RNF170: variants seen among roughly 807,000 people sequenced by gnomAD.
RNF170 encodes ring finger protein 170.
A neutral mutation model predicts 32.7 loss-of-function variants in RNF170; 12 were observed. The ratio of observed to expected loss-of-function variants is 0.37; its 90% confidence interval spans 0.24 to 0.60. The LOEUF (loss-of-function observed/expected upper bound fraction) is 0.60, where lower values mean the gene tolerates loss of function less well. Among genes scored for constraint, RNF170 ranks in the 20% least tolerant of loss-of-function variants. The pLI, the probability that RNF170 is intolerant of heterozygous loss-of-function variation, is 0.72. For synonymous variants in RNF170, 91 were observed against 103.6 expected, an observed-to-expected ratio of 0.88 and a Z score of 0.74; for missense variants, 212 against 311.2, an observed-to-expected ratio of 0.68 and a Z score of 2.40.
At chr8:42,884,411 G>A (rs938373508) in intron 2 of RNF170, among the ~76,000 whole-genome samples, 2 of 151,858 alleles carry the variant, frequency 1.3e-5, no homozygotes, top group Middle Eastern at 3.2e-3. Context: ...TATTGCTGCT[G>A]CACAAATTAA....
chr8:42,875,783 G>A (rs1804879430), intron 2 of RNF170, among the ~76,000 whole-genome samples: 1 of 152,166 alleles, frequency 6.6e-6, no homozygotes, highest in Non-Finnish European at 1.5e-5. Flanking sequence ...CACCATGTTG[G>A]CCAGGCTGGT....
chr8:42,885,837 C>T (rs759637852), intron 2 of RNF170, among the ~76,000 whole-genome samples: 15 of 152,114 alleles, frequency 9.9e-5, no homozygotes, highest in Non-Finnish European at 1.8e-4. Flanking sequence ...TAGCTCACTG[C>T]AGACTTGACT....
At chr8:42,851,073 C>G, downstream of RNF170, 1 of 1,532,118 alleles carries the variant, frequency 6.5e-7, no homozygotes, top group Non-Finnish European at 8.8e-7. Context: ...AAATCCAAAT[C>G]AACAGCCTTC....
chr8:42,873,596 G>C (rs768247386), intron 3 of RNF170, among the ~76,000 whole-genome samples: 20 of 152,000 alleles, frequency 1.3e-4, no homozygotes, highest in Non-Finnish European at 2.8e-4. Context: ...TTATTTCTTT[G>C]TAGATATTAA....
chr8:42,854,437 G>A lies in RNF170; in HGVS notation c.*1722C>T, dbSNP rs552968198. 2,028 of 1,287,200 alleles carry A rather than the reference G, an allele frequency of 1.6e-3. 28 individuals carry two copies. The South Asian group carries it at 0.024, about 15-fold the overall frequency. The allele number at this position is 1,287,200 out of a possible 1,614,324, so 79.7% of individuals were successfully genotyped here. A position where few individuals can be genotyped will look rare whatever the true frequency, so the allele number is the denominator to read the frequency against. On this transcript the variant is annotated 3_prime_UTR_variant, in exon 7 of 7. Transcript: ENST00000527424. Reference sequence around the variant, plus strand: ...TTGTATCTATGAAAGGGAAGTTGGTGTCCTGCGTTCCTCACAAAATTATCC... The same window carrying A: ...TTGTATCTATGAAAGGGAAGTTGGTATCCTGCGTTCCTCACAAAATTATCC...
Position 42,896,403 on chromosome 8 carries a change from A to T in RNF170, c.-8+81T>A, listed in dbSNP as rs1410129804. The T allele has an allele frequency of 8.9e-6, 4 of 449,850 alleles. No individual in the cohort carries two copies. In the Admixed American group the frequency reaches 9.5e-5, roughly 11 times the overall value. 27.9% of individuals were successfully genotyped at this position (449,850 alleles called of 1,614,324 possible). The stretch of plus-strand genomic sequence containing the variant: ...CCGCAGAGCCTCGGCGGCCAGAGCT[A>T]CCCCAAGAAGGCCAGACCCCGCCGT... On this transcript the variant is annotated intron_variant, in intron 1 of 6. Transcript: ENST00000527424.
rs1804335610 is a variant in RNF170, at chr8:42,869,140, G to A, written c.322+864C>T. ...GCCCAGGCTGGCCTCCAACTCCTGG[G>A]CTCAAGCAATCCTCCTGCCTTAGCC... On this transcript the variant is annotated intron_variant, in intron 4 of 6. Transcript: ENST00000527424. Among the ~76,000 whole-genome samples the A allele has an allele frequency of 2.0e-5, 3 of 152,044 alleles. No individual in the cohort carries two copies. The South Asian group carries it at 6.2e-4, about 32-fold the overall frequency.
In RNF170 at chr8:42,854,240, C is replaced by T. The variant is rs564224009; in HGVS notation, c.*1919G>A. The T allele has an allele frequency of 1.6e-5, 21 of 1,287,198 alleles. No homozygotes were observed. Among genetic ancestry groups the T allele is most frequent in the African/African-American group, 1.5e-5 (1 of 65,910 alleles). The allele number at this position is 1,287,198 out of a possible 1,614,324, so 79.7% of individuals were successfully genotyped here. A position where few individuals can be genotyped will look rare whatever the true frequency, so the allele number is the denominator to read the frequency against. On this transcript the variant is annotated 3_prime_UTR_variant, in exon 7 of 7. Coordinates refer to ENST00000527424, the MANE Select transcript of RNF170 (RefSeq NM_030954.4). Reference sequence around the variant, plus strand: ...ACTCTGATGGAGGTATAATGTAGCACGAAAGACTTCCAAAGAACCAGTTTC... The same window carrying T: ...ACTCTGATGGAGGTATAATGTAGCATGAAAGACTTCCAAAGAACCAGTTTC...
intron 1 of RNF170, 21 bp downstream of exon 1, chr8:42,896,463 G>T (rs1055338168): frequency 4.4e-6 from 2 of 453,762 alleles, no homozygotes; most frequent in Non-Finnish European, 8.8e-6. Flanking sequence ...GGTGGGCGTG[G>T]CCGCCGCGCG....
At chr8:42,897,097 C>T (rs1806999163), upstream of RNF170, 5 of 1,239,448 alleles carry the variant, frequency 4.0e-6, no homozygotes, top group Non-Finnish European at 5.1e-6. Flanking sequence ...GGTGTCTGGC[C>T]AGGCGGTAGG....
downstream of RNF170, chr8:42,853,182 T>C (rs1051555420): frequency 5.1e-5 from 15 of 292,348 alleles, no homozygotes; most frequent in Non-Finnish European, 8.4e-5. Flanking sequence ...ATTAGAAATG[T>C]GATGAGATAT....
intron 5 of RNF170, among the ~76,000 whole-genome samples, chr8:42,863,284 T>G (rs1000943104): frequency 3.3e-5 from 5 of 152,106 alleles, no homozygotes; most frequent in Non-Finnish European, 7.4e-5. Context: ...AGGATACCAC[T>G]GGCTACTGTA....
chr8:42,890,931 G>C (rs950685576), intron 1 of RNF170, among the ~76,000 whole-genome samples: 1 of 152,168 alleles, frequency 6.6e-6, no homozygotes. Context: ...AAAGAGGCTG[G>C]TCTGATTTAT....
At chr8:42,850,541 C>T, downstream of RNF170, 1 of 541,316 alleles carries the variant, frequency 1.8e-6, no homozygotes. Flanking sequence ...TTGAGCACTA[C>T]TGTGGTGGCA....
chr8:42,896,570 C>G lies in RNF170; in HGVS notation c.-94G>C. 4.4e-6 allele frequency: 2 copies of G among 453,942 alleles called. No individual in the cohort carries two copies. The highest frequency in any genetic ancestry group is 1.6e-5 in the South Asian group (1 of 64,488). The allele number at this position is 453,942 out of a possible 1,614,324, so 28.1% of individuals were successfully genotyped here. A position where few individuals can be genotyped will look rare whatever the true frequency, so the allele number is the denominator to read the frequency against. ...GACCGCTCCCGCCACCCCTCCCGGG[C>G]AACCCACTAGACGTCCCCTTTCTAA... On this transcript the variant is annotated 5_prime_UTR_variant, in exon 1 of 7. Transcript: ENST00000527424.
chr8:42,850,952 C>G (rs1276113243), downstream of RNF170: 2 of 1,551,664 alleles, frequency 1.3e-6, no homozygotes, highest in South Asian at 1.2e-5. Flanking sequence ...GCAACAGCCT[C>G]TTGATGGGTC....
At chr8:42,878,969 C>T (rs1331309902) in intron 2 of RNF170, among the ~76,000 whole-genome samples, 1 of 152,168 alleles carries the variant, frequency 6.6e-6, no homozygotes, top group Non-Finnish European at 1.5e-5. Flanking sequence ...AACAACAATG[C>T]CTGGATAACA....
At chr8:42,895,390 G>GA (rs1003241956) in intron 1 of RNF170, among the ~76,000 whole-genome samples, 13 of 151,964 alleles carry the variant, frequency 8.6e-5, no homozygotes, top group Admixed American at 1.3e-4. Flanking sequence ...ACTCTTAATG[G>GA]AAAAAAAGTG....
rs1803797663 is a variant in RNF170, at chr8:42,863,326, C to CA, written c.397-1472dup. On this transcript the variant is annotated intron_variant, in intron 5 of 6. Transcript: ENST00000527424. The stretch of plus-strand genomic sequence containing the variant: ...TCCTATGAAAAGCCATGGGCAGAAC[C>CA]AAGAAGAGGGAGGGCCTGGAACTAT... Among the ~76,000 whole-genome samples the CA allele has an allele frequency of 8.5e-5, 13 of 152,172 alleles. No individual in the cohort carries two copies. The South Asian group carries it at 2.7e-3, about 32-fold the overall frequency.
Sources: allele counts gnomAD v4.1 joint callset (sites outside exome capture counted in the v4.1 genomes callset), GRCh38; gene constraint gnomAD v4.1.1; transcripts MANE v1.5; gene names NCBI Gene and HGNC (gene_info 2026-07-23, HGNC 2026-07-21).